Variants in GLCCI1 observed in about 807,000 individuals in gnomAD.
GLCCI1 encodes glucocorticoid induced 1, also known as glucocorticoid-induced transcript 1 protein.
GLCCI1 carries 24 observed loss-of-function variants against 52.2 expected under a neutral mutation model. The ratio of observed to expected loss-of-function variants is 0.46; its 90% CI spans 0.33 to 0.65. The LOEUF is 0.65. GLCCI1 is among the 30% of genes least tolerant of loss of function. The pLI is 0.02. For synonymous variants in GLCCI1, 310 were observed against 276.5 expected, an observed-to-expected ratio of 1.12 and a Z score of -1.20; for missense variants, 704 against 701.5, an observed-to-expected ratio of 1.00 and a Z score of -0.04.
At chr7:8,066,545 T>A (rs1782635400) in intron 5 of GLCCI1, among the ~76,000 whole-genome samples, 1 of 151,402 alleles carries the variant, frequency 6.6e-6, no homozygotes, top group Non-Finnish European at 1.5e-5. Context: ...CTCTTAACAC[T>A]GCTTTAGCTG....
intron 2 of GLCCI1, among the ~76,000 whole-genome samples, chr7:8,007,359 T>C (rs1362365925): frequency 1.3e-5 from 2 of 152,218 alleles, no homozygotes; most frequent in African/African-American, 4.8e-5. Context: ...CATCGTTATG[T>C]AATATGTACG....
chr7:8,032,109 C>T lies in GLCCI1; in HGVS notation c.696+9540C>T, dbSNP rs1415279313. Among the ~76,000 whole-genome samples, 3 of 151,950 alleles carry T rather than the reference C, an allele frequency of 2.0e-5. No individual in the cohort carries two copies. In the East Asian group the frequency reaches 5.8e-4, roughly 29 times the overall value. On this transcript the variant is annotated intron_variant, in intron 3 of 7. Coordinates refer to ENST00000223145, the MANE Select transcript of GLCCI1 (RefSeq NM_138426.4). ...ACTGACATGCATAGATGGAAAACACCCAGTCACTGCAGAATAGCAGAAAGA... is the reference window on the plus strand; with the variant it reads ...ACTGACATGCATAGATGGAAAACACTCAGTCACTGCAGAATAGCAGAAAGA...
intron 1 of GLCCI1, among the ~76,000 whole-genome samples, chr7:7,993,521 A>T (rs771946301): frequency 6.6e-6 from 1 of 152,180 alleles, no homozygotes; most frequent in Non-Finnish European, 1.5e-5. Context: ...CTTGCAAATC[A>T]GATTGTGTGG....
At chr7:7,996,193 G>A (rs943420537) in intron 1 of GLCCI1, among the ~76,000 whole-genome samples, 5 of 152,052 alleles carry the variant, frequency 3.3e-5, no homozygotes, top group Admixed American at 3.3e-4. Context: ...AGTTGTTTTT[G>A]TAGTTGCTAA....
intron 1 of GLCCI1, among the ~76,000 whole-genome samples, chr7:7,972,261 A>G (rs186574231): frequency 5.4e-4 from 82 of 152,244 alleles, no homozygotes; most frequent in Non-Finnish European, 3.8e-4. Context: ...AATGAAAAAC[A>G]ACAACGTGCT....
chr7:8,077,750 C>T (rs752654548), intron 6 of GLCCI1, among the ~76,000 whole-genome samples: 11 of 152,152 alleles, frequency 7.2e-5, no homozygotes, highest in Non-Finnish European at 1.6e-4. Flanking sequence ...ATTTCCATGG[C>T]GTCTACATGC....
At chr7:8,055,405 TCTTA>T (rs774734067) in intron 3 of GLCCI1, 24 bp from the exon 4 acceptor site, 38 of 1,422,996 alleles carry the variant, frequency 2.7e-5, no homozygotes, top group Admixed American at 8.6e-5. Flanking sequence ...TTTATTCTCT[TCTTA>T]CTTCTCTTTC....
At chr7:8,073,682 A>C (rs11976862) in intron 6 of GLCCI1, among the ~76,000 whole-genome samples, 1 of 151,972 alleles carries the variant, frequency 6.6e-6, no homozygotes, top group Non-Finnish European at 1.5e-5. Context: ...GCACATGGCA[A>C]ACAATTAGTG....
At position 8,036,212 on chromosome 7, in the gene GLCCI1, C is replaced by G. The variant is rs529377807; in HGVS notation, c.696+13643C>G. Reference sequence around the variant, plus strand: ...TTCCTGAGACCTCCACCATCCTGGCCCAAGAGGCAGTGAGTTTGTTCACAT... The same window carrying G: ...TTCCTGAGACCTCCACCATCCTGGCGCAAGAGGCAGTGAGTTTGTTCACAT... On this transcript the variant is annotated intron_variant, in intron 3 of 7. Coordinates refer to ENST00000223145, the MANE Select transcript of GLCCI1 (RefSeq NM_138426.4). Among the ~76,000 whole-genome samples the G allele has an allele frequency of 3.3e-5, 5 of 152,284 alleles. No individual in the cohort carries two copies. In the South Asian group the frequency reaches 1.0e-3, roughly 32 times the overall value.
intron 3 of GLCCI1, among the ~76,000 whole-genome samples, chr7:8,036,165 A>G (rs1219796233): frequency 6.6e-6 from 1 of 152,224 alleles, no homozygotes; most frequent in Non-Finnish European, 1.5e-5. Context: ...ACAAGTGCAC[A>G]GTTCTGGGGA....
At chr7:8,053,578 G>A (rs983328057) in intron 3 of GLCCI1, among the ~76,000 whole-genome samples, 1 of 150,764 alleles carries the variant, frequency 6.6e-6, no homozygotes, top group African/African-American at 2.4e-5. Flanking sequence ...ACCTGCCTCA[G>A]CCTCCCAGAG....
intron 1 of GLCCI1, among the ~76,000 whole-genome samples, chr7:7,976,364 A>G (rs1780468351): frequency 1.3e-5 from 2 of 150,826 alleles, no homozygotes; most frequent in African/African-American, 2.4e-5. Flanking sequence ...CTATAATCCC[A>G]GTTACTCGGG....
intron 1 of GLCCI1, among the ~76,000 whole-genome samples, chr7:7,987,039 G>T (rs993005212): frequency 1.3e-5 from 2 of 152,004 alleles, no homozygotes; most frequent in Non-Finnish European, 2.9e-5. Context: ...CATCTTTAAT[G>T]TAATCATTAT....
In GLCCI1 at chr7:8,073,837, A is replaced by C. The variant is rs1584021667; in HGVS notation, c.1177+2706A>C. ...TAAAGCCCCATGACATCAGTTTCATAATATCTACCATATTTAGCTGAGAGG... is the reference window on the plus strand; with the variant it reads ...TAAAGCCCCATGACATCAGTTTCATCATATCTACCATATTTAGCTGAGAGG... On this transcript the variant is annotated intron_variant, in intron 6 of 7. Coordinates refer to ENST00000223145, the MANE Select transcript of GLCCI1 (RefSeq NM_138426.4). Among the ~76,000 whole-genome samples the C allele has an allele frequency of 2.6e-5, 4 of 152,206 alleles. No individual in the cohort carries two copies. In the East Asian group the frequency reaches 7.7e-4, roughly 29 times the overall value.
At chr7:7,978,773 T>C (rs550782635) in intron 1 of GLCCI1, among the ~76,000 whole-genome samples, 1 of 152,290 alleles carries the variant, frequency 6.6e-6, no homozygotes, top group East Asian at 1.9e-4. Context: ...TCTTAGAAGA[T>C]AATAAAAACA....
chr7:7,996,882 C>T (rs1000530112), intron 1 of GLCCI1, among the ~76,000 whole-genome samples: 10 of 152,230 alleles, frequency 6.6e-5, no homozygotes, highest in Admixed American at 6.5e-4. Flanking sequence ...ATTCTACCCA[C>T]ACTGAGAGAG....
At chr7:8,047,648 A>G (rs921815668) in intron 3 of GLCCI1, among the ~76,000 whole-genome samples, 6 of 152,212 alleles carry the variant, frequency 3.9e-5, no homozygotes, top group Non-Finnish European at 7.4e-5. Context: ...AGCATCTACA[A>G]TTTCAGAAGA....
chr7:8,038,262 GA>G (rs1444583681), intron 3 of GLCCI1, among the ~76,000 whole-genome samples: 1 of 152,038 alleles, frequency 6.6e-6, no homozygotes, highest in Non-Finnish European at 1.5e-5. Flanking sequence ...CATGGAATTA[GA>G]AAAAATAATC....
chr7:8,060,554 C>G (rs1782490698), intron 5 of GLCCI1, among the ~76,000 whole-genome samples: 1 of 152,156 alleles, frequency 6.6e-6, no homozygotes. Flanking sequence ...GCTGGTTGTT[C>G]TAGATGTTTC....
Sources: allele counts gnomAD v4.1 joint callset (sites outside exome capture counted in the v4.1 genomes callset), GRCh38; gene constraint gnomAD v4.1.1; transcripts MANE v1.5; gene names NCBI Gene and HGNC (gene_info 2026-07-23, HGNC 2026-07-21).